The following GMDS variants were observed in gnomAD, a reference collection of about 807,000 sequenced individuals.
GMDS encodes the protein GDP-mannose 4,6 dehydratase.
GMDS carries 20 observed loss-of-function variants against 49.9 expected under a neutral mutation model. The ratio of observed to expected loss-of-function variants is 0.40; its 90% CI spans 0.28 to 0.58. GMDS has a LOEUF of 0.58. Among genes scored for constraint, GMDS ranks in the 20% least tolerant of loss-of-function variants. The pLI is 0.42. For missense variants in GMDS, 362 were observed against 481.4 expected (o/e 0.75, Z 2.32); for synonymous variants, 177 against 178.6 (o/e 0.99, Z 0.07).
At chr6:2,237,576 C>T (rs1781421499) in intron 1 of GMDS, among the ~76,000 whole-genome samples, 1 of 139,476 alleles carries the variant, frequency 7.2e-6, no homozygotes, top group South Asian at 2.3e-4. Context: ...GGCTGGAGTA[C>T]AGTGGTATGA....
chr6:1,971,822 G>A (rs1764629489), intron 4 of GMDS, among the ~76,000 whole-genome samples: 1 of 152,224 alleles, frequency 6.6e-6, no homozygotes, highest in Non-Finnish European at 1.5e-5. Flanking sequence ...TAGCCACAGA[G>A]GCGAATTGGA....
intron 4 of GMDS, among the ~76,000 whole-genome samples, chr6:1,966,710 G>A (rs1764279619): frequency 6.6e-6 from 1 of 152,146 alleles, no homozygotes; most frequent in Non-Finnish European, 1.5e-5. Flanking sequence ...ATGTTCACAT[G>A]TCACACTGAG....
At chr6:2,179,707 C>T (rs975961169) in intron 1 of GMDS, among the ~76,000 whole-genome samples, 3 of 152,128 alleles carry the variant, frequency 2.0e-5, no homozygotes, top group African/African-American at 7.2e-5. Context: ...GTAGCACAAA[C>T]AGATTAAGAT....
intron 7 of GMDS, 86 bp downstream of exon 7, chr6:1,930,017 T>C: frequency 8.1e-7 from 1 of 1,228,694 alleles, no homozygotes; most frequent in Non-Finnish European, 1.2e-6. Flanking sequence ...CCCCCACCTC[T>C]AGGTCACACT....
chr6:2,243,629 C>A (rs1781716110), intron 1 of GMDS, among the ~76,000 whole-genome samples: 1 of 152,090 alleles, frequency 6.6e-6, no homozygotes, highest in South Asian at 2.1e-4. Context: ...CTTACTGCCT[C>A]AATTCAAGGA....
intron 1 of GMDS, among the ~76,000 whole-genome samples, chr6:2,219,507 T>C (rs980121237): frequency 6.6e-6 from 1 of 152,220 alleles, no homozygotes; most frequent in Non-Finnish European, 1.5e-5. Context: ...AGCATCCTCA[T>C]TTTAAATTTC....
rs189738335 is a variant in GMDS at position 2,003,431 on chromosome 6, A to G, written c.346-42465T>C. On this transcript the variant is annotated intron_variant, in intron 4 of 10. Transcript: ENST00000380815. The stretch of plus-strand genomic sequence containing the variant: ...CACTGCCAAGCGAAATGACTAGTGT[A>G]AACAATCTGCCCATTAAACCATAAA... Among the ~76,000 whole-genome samples, 22 of 152,316 alleles carry G rather than the reference A, an allele frequency of 1.4e-4. No individual in the cohort carries two copies. In the East Asian group the frequency reaches 2.5e-3, roughly 17 times the overall value.
chr6:2,157,849 A>G lies in GMDS; in HGVS notation c.103-33118T>C, dbSNP rs116756015. 5.7e-3 allele frequency among the ~76,000 whole-genome samples: 864 copies of G among 152,336 alleles called. 2 individuals are homozygous for G. The highest frequency in any genetic ancestry group is 0.017 in the Middle Eastern group (5 of 294). On this transcript the variant is annotated intron_variant, in intron 1 of 10. Coordinates refer to ENST00000380815, the MANE Select transcript of GMDS (RefSeq NM_001500.4). ...CCTAAACTAATGCTGGCACTGTTCA[A>G]CAGAATTCCTTCATTCCTCAAGGGT...
At chr6:1,691,983 C>A (rs949775330) in intron 9 of GMDS, among the ~76,000 whole-genome samples, 2 of 151,952 alleles carry the variant, frequency 1.3e-5, no homozygotes, top group African/African-American at 4.8e-5. Flanking sequence ...CATTTGAGTC[C>A]GTGGACTGGG....
At chr6:1,629,555 G>A (rs1478735588) in intron 9 of GMDS, among the ~76,000 whole-genome samples, 1 of 152,170 alleles carries the variant, frequency 6.6e-6, no homozygotes, top group African/African-American at 2.4e-5. Context: ...GGGAGGAGCA[G>A]GCCCTGCACC....
chr6:1,879,426 T>C (rs1006674653), intron 7 of GMDS, among the ~76,000 whole-genome samples: 1 of 152,182 alleles, frequency 6.6e-6, no homozygotes, highest in South Asian at 2.1e-4. Flanking sequence ...AAACTTCAAG[T>C]GACTTCAGAG....
At chr6:1,845,846 C>T (rs75346919) in intron 7 of GMDS, among the ~76,000 whole-genome samples, 34 of 152,274 alleles carry the variant, frequency 2.2e-4, no homozygotes, top group Non-Finnish European at 3.4e-4. Context: ...CCACCACTCA[C>T]CTCCTGCTGT....
chr6:2,123,630 C>T (rs1208654441), intron 2 of GMDS, among the ~76,000 whole-genome samples: 1 of 152,230 alleles, frequency 6.6e-6, no homozygotes, highest in Admixed American at 6.5e-5. Context: ...ACATAACCTA[C>T]TCTAAAACTC....
chr6:1,711,017 C>T (rs960117808), intron 9 of GMDS, among the ~76,000 whole-genome samples: 1 of 152,202 alleles, frequency 6.6e-6, no homozygotes, highest in Non-Finnish European at 1.5e-5. Flanking sequence ...AGAAAGGAGC[C>T]GGACCTGGCA....
intron 8 of GMDS, 90 bp from the exon 9 acceptor site, chr6:1,726,602 C>A: frequency 1.1e-6 from 1 of 896,050 alleles, no homozygotes. Context: ...AGCCCTCTCC[C>A]CGCAGGAGCG....
intron 4 of GMDS, among the ~76,000 whole-genome samples, chr6:2,068,739 A>G (rs1021919989): frequency 1.3e-5 from 2 of 152,218 alleles, no homozygotes; most frequent in Non-Finnish European, 2.9e-5. Flanking sequence ...AAGGAAAACT[A>G]CAAGCCACTG....
intron 6 of GMDS, among the ~76,000 whole-genome samples, chr6:1,935,739 T>C (rs954069754): frequency 6.6e-5 from 10 of 152,228 alleles, no homozygotes; most frequent in African/African-American, 2.4e-4. Flanking sequence ...ATAAGGTTTT[T>C]AGCCTAAACA....
At chr6:1,979,732 G>A (rs1331240995) in intron 4 of GMDS, among the ~76,000 whole-genome samples, 10 of 152,062 alleles carry the variant, frequency 6.6e-5, no homozygotes, top group African/African-American at 2.2e-4. Flanking sequence ...TGATCCCCAA[G>A]ACACATAATC....
At chr6:2,127,706 C>G (rs1775528128) in intron 1 of GMDS, among the ~76,000 whole-genome samples, 1 of 152,174 alleles carries the variant, frequency 6.6e-6, no homozygotes, top group Admixed American at 6.5e-5. Flanking sequence ...CCCAGGGGGC[C>G]CAGCTGGCCG....
Sources: gnomAD v4.1 joint callset for allele counts (sites outside exome capture counted in the v4.1 genomes callset) on GRCh38, gnomAD v4.1.1 for gene constraint, MANE v1.5 for transcripts, NCBI Gene and HGNC (gene_info 2026-07-23, HGNC 2026-07-21) for gene names.